The following IL1RAPL1 variants were observed in gnomAD, a reference collection of about 807,000 sequenced individuals.
IL1RAPL1 encodes interleukin-1 receptor accessory protein-like 1.
IL1RAPL1 carries 3 observed loss-of-function variants against 48.4 expected under a neutral mutation model. The ratio of observed to expected loss-of-function variants is 0.06; its 90% CI spans 0.03 to 0.16. IL1RAPL1 has a LOEUF of 0.16. Ranked by LOEUF, IL1RAPL1 falls within the 10% of genes least tolerant of loss-of-function variation. The pLI, the probability that IL1RAPL1 is intolerant of heterozygous loss-of-function variation, is 1.00. For missense variants in IL1RAPL1, 349 were observed against 530.6 expected (o/e 0.66, Z 3.36); for synonymous variants, 185 against 187.7 (o/e 0.99, Z 0.12).
At chrX:29,774,281 A>G (rs1455367552) in intron 6 of IL1RAPL1, among the ~76,000 whole-genome samples, 1 of 111,477 alleles carries the variant, frequency 9.0e-6, no homozygotes, top group Non-Finnish European at 1.9e-5. Context: ...GGACTGATCT[A>G]TGCATATAAA....
intron 7 of IL1RAPL1, among the ~76,000 whole-genome samples, chrX:29,918,144 A>AAAT (rs1555935868): frequency 0.019 from 457 of 23,694 alleles, 28 homozygotes; most frequent in East Asian, 0.029. Context: ...AAAAAAAAAA[A>AAAT]ATATATATAT....
chrX:29,383,009 T>C lies in IL1RAPL1; in HGVS notation c.363-13249T>C, dbSNP rs925274191. Among the ~76,000 whole-genome samples the C allele has an allele frequency of 3.6e-5, 4 of 112,179 alleles. No homozygotes were observed. In the East Asian group the frequency reaches 8.4e-4, roughly 24 times the overall value. On this transcript the variant is annotated intron_variant, in intron 3 of 10. Coordinates refer to ENST00000378993, the MANE Select transcript of IL1RAPL1 (RefSeq NM_014271.4). ...AAAGCAGATTAAGCTTTTTAAAAAGTGGTGACCTTGATATAAATTTCATAT... is the reference window on the plus strand; with the variant it reads ...AAAGCAGATTAAGCTTTTTAAAAAGCGGTGACCTTGATATAAATTTCATAT...
At chrX:28,826,054 T>A (rs1420692171) in intron 2 of IL1RAPL1, among the ~76,000 whole-genome samples, 1 of 111,874 alleles carries the variant, frequency 8.9e-6, no homozygotes, top group Non-Finnish European at 1.9e-5. Flanking sequence ...TAAGCTGTTA[T>A]CAAAATCTTT....
chrX:29,589,676 A>G (rs1923304735), intron 5 of IL1RAPL1, among the ~76,000 whole-genome samples: 1 of 111,441 alleles, frequency 9.0e-6, no homozygotes, highest in Non-Finnish European at 1.9e-5. Flanking sequence ...GCTATTATAT[A>G]TTAATTAGTA....
intron 2 of IL1RAPL1, among the ~76,000 whole-genome samples, chrX:29,268,447 G>A (rs898351142): frequency 5.1e-5 from 5 of 98,137 alleles, no homozygotes; most frequent in Admixed American, 1.1e-4. Context: ...TGTGTAGACC[G>A]GGGTGGCCTT....
intron 1 of IL1RAPL1, among the ~76,000 whole-genome samples, chrX:28,625,769 T>TGTGTGTGTGTGTGTGTGTG (rs1569140767): frequency 2.7e-5 from 3 of 110,342 alleles, no homozygotes; most frequent in African/African-American, 1.0e-4. Context: ...TGTGTGTGTG[T>TGTGTGTGTGTGTGTGTGTG]TTTACCAAGA....
intron 2 of IL1RAPL1, among the ~76,000 whole-genome samples, chrX:29,224,167 C>T (rs1253047190): frequency 9.0e-6 from 1 of 110,685 alleles, no homozygotes; most frequent in Non-Finnish European, 1.9e-5. Context: ...GAAACAAAGC[C>T]CCGAGATACG....
chrX:29,034,483 T>C (rs1198646855), intron 2 of IL1RAPL1, among the ~76,000 whole-genome samples: 1 of 112,334 alleles, frequency 8.9e-6, no homozygotes, highest in African/African-American at 3.2e-5. Flanking sequence ...TTTTAAATAA[T>C]CTTCATTTGA....
intron 1 of IL1RAPL1, among the ~76,000 whole-genome samples, chrX:28,723,938 A>G: frequency 8.9e-6 from 1 of 111,874 alleles, no homozygotes; most frequent in East Asian, 2.8e-4. Context: ...TTCTAGTTTG[A>G]TTGCACTGTG....
intron 5 of IL1RAPL1, among the ~76,000 whole-genome samples, chrX:29,643,267 G>A (rs1201395071): frequency 3.6e-5 from 4 of 111,595 alleles, no homozygotes; most frequent in Admixed American, 9.5e-5. Flanking sequence ...TGGTGTCTGT[G>A]TTGTTCTTCT....
intron 5 of IL1RAPL1, among the ~76,000 whole-genome samples, chrX:29,423,178 C>T (rs1259981561): frequency 9.0e-6 from 1 of 111,698 alleles, no homozygotes; most frequent in Non-Finnish European, 1.9e-5. Flanking sequence ...AAATTCTTTC[C>T]ACCAATTGCT....
At chrX:28,753,804 C>G (rs1249821264) in intron 1 of IL1RAPL1, among the ~76,000 whole-genome samples, 2 of 111,491 alleles carry the variant, frequency 1.8e-5, no homozygotes, top group Non-Finnish European at 3.8e-5. Flanking sequence ...TCTTTGCCAA[C>G]CAATGATTCA....
At chrX:29,109,135 C>G (rs767253447) in intron 2 of IL1RAPL1, among the ~76,000 whole-genome samples, 4 of 110,661 alleles carry the variant, frequency 3.6e-5, no homozygotes, top group African/African-American at 1.3e-4. Context: ...CACAAAAGAA[C>G]ATATTCAAAA....
chrX:28,777,871 A>G (rs987939800), intron 1 of IL1RAPL1, among the ~76,000 whole-genome samples: 2 of 111,547 alleles, frequency 1.8e-5, no homozygotes, highest in African/African-American at 3.3e-5. Context: ...CCTACAATGT[A>G]CAGGACAGCC....
At chrX:28,674,297 A>T (rs959653506) in intron 1 of IL1RAPL1, among the ~76,000 whole-genome samples, 2 of 110,253 alleles carry the variant, frequency 1.8e-5, no homozygotes, top group Non-Finnish European at 3.8e-5. Flanking sequence ...CCTTTTGACC[A>T]AGGTACTTCC....
chrX:28,893,782 T>G (rs145960824), intron 2 of IL1RAPL1, among the ~76,000 whole-genome samples: 1 of 111,120 alleles, frequency 9.0e-6, no homozygotes, highest in East Asian at 2.8e-4. Flanking sequence ...ACAGAAGAGG[T>G]TATGAAATGA....
At chrX:29,189,961 G>A (rs1376385696) in intron 2 of IL1RAPL1, among the ~76,000 whole-genome samples, 1 of 111,644 alleles carries the variant, frequency 9.0e-6, no homozygotes, top group East Asian at 2.8e-4. Context: ...TAAGAGATAA[G>A]TGGTTTAGAG....
intron 6 of IL1RAPL1, among the ~76,000 whole-genome samples, chrX:29,711,631 T>A (rs1927357700): frequency 8.9e-6 from 1 of 111,882 alleles, no homozygotes; most frequent in Non-Finnish European, 1.9e-5. Context: ...TAAACAGAGG[T>A]ATGGGTGTAT....
At chrX:29,684,530 G>C (rs1274214730) in intron 6 of IL1RAPL1, among the ~76,000 whole-genome samples, 2 of 82,926 alleles carry the variant, frequency 2.4e-5, no homozygotes, top group African/African-American at 8.4e-5. Flanking sequence ...TTTGGGTTTT[G>C]TTTTTTGTTT....
Sources: gnomAD v4.1 joint callset for allele counts (sites outside exome capture counted in the v4.1 genomes callset) on GRCh38, gnomAD v4.1.1 for gene constraint, MANE v1.5 for transcripts, NCBI Gene and HGNC (gene_info 2026-07-23, HGNC 2026-07-21) for gene names.